Variants in FARS2 observed in about 807,000 individuals in gnomAD.
The protein encoded by FARS2 is phenylalanine--tRNA ligase, mitochondrial.
FARS2 carries 40 observed loss-of-function variants against 46.4 expected under a neutral mutation model. The ratio of observed to expected loss-of-function variants is 0.86; its 90% CI spans 0.67 to 1.12. FARS2 has a LOEUF of 1.12. FARS2 is among the 50% of genes most tolerant of loss of function. The pLI is 0.00. For synonymous variants in FARS2, 234 were observed against 214.9 expected, an observed-to-expected ratio of 1.09 and a Z score of -0.78; for missense variants, 513 against 567.9, an observed-to-expected ratio of 0.90 and a Z score of 0.98.
chr6:5,335,599 G>A (rs766347043), intron 1 of FARS2, among the ~76,000 whole-genome samples: 1 of 152,128 alleles, frequency 6.6e-6, no homozygotes. Flanking sequence ...TGAGCAATTA[G>A]CAATTAGTTG....
intron 4 of FARS2, among the ~76,000 whole-genome samples, chr6:5,479,291 G>GCATTGTT (rs1766307096): frequency 6.6e-6 from 1 of 152,172 alleles, no homozygotes; most frequent in Admixed American, 6.5e-5. Context: ...TTTCTTGTTG[G>GCATTGTT]CATTGTTAGA....
intron 4 of FARS2, among the ~76,000 whole-genome samples, chr6:5,492,068 C>A (rs1767155256): frequency 6.6e-6 from 1 of 152,178 alleles, no homozygotes. Context: ...TCAATAAAAA[C>A]TACTCATTTT....
At chr6:5,720,648 C>CT (rs1759830755) in intron 6 of FARS2, among the ~76,000 whole-genome samples, 2 of 152,186 alleles carry the variant, frequency 1.3e-5, no homozygotes, top group South Asian at 4.1e-4. Context: ...TCAAGATCCC[C>CT]TTTACATTCT....
intron 6 of FARS2, among the ~76,000 whole-genome samples, chr6:5,769,438 G>T (rs752701184): frequency 6.6e-6 from 1 of 152,220 alleles, no homozygotes; most frequent in African/African-American, 2.4e-5. Flanking sequence ...TGCCTGAAAG[G>T]CTTGGGTGGG....
intron 1 of FARS2, among the ~76,000 whole-genome samples, chr6:5,346,042 C>T: frequency 6.6e-6 from 1 of 152,208 alleles, no homozygotes; most frequent in Non-Finnish European, 1.5e-5. Context: ...CAGCAGTGCT[C>T]ACTGGCCGGG....
intron 6 of FARS2, among the ~76,000 whole-genome samples, chr6:5,757,712 T>A (rs1434629339): frequency 6.6e-6 from 1 of 152,152 alleles, no homozygotes; most frequent in Non-Finnish European, 1.5e-5. Context: ...TCACCTAATA[T>A]TTGGGTGCAT....
At chr6:5,663,783 T>C (rs765403250) in intron 6 of FARS2, among the ~76,000 whole-genome samples, 1 of 152,194 alleles carries the variant, frequency 6.6e-6, no homozygotes, top group Non-Finnish European at 1.5e-5. Flanking sequence ...AAGATGTCTT[T>C]GAAATGATAT....
intron 5 of FARS2, among the ~76,000 whole-genome samples, chr6:5,592,127 G>A (rs954661564): frequency 1.3e-5 from 2 of 152,196 alleles, no homozygotes; most frequent in African/African-American, 2.4e-5. Context: ...GCTCACGCCT[G>A]TAATCCCAGC....
intron 2 of FARS2, among the ~76,000 whole-genome samples, chr6:5,370,100 A>G (rs1758957345): frequency 6.6e-6 from 1 of 152,214 alleles, no homozygotes; most frequent in Admixed American, 6.5e-5. Flanking sequence ...TATCGTCACA[A>G]AACTCTCTCC....
At chr6:5,282,194 C>T (rs1581684890) in intron 1 of FARS2, among the ~76,000 whole-genome samples, 1 of 152,122 alleles carries the variant, frequency 6.6e-6, no homozygotes, top group African/African-American at 2.4e-5. Context: ...GAAAGTGTTA[C>T]CTTGCCAGAG....
intron 2 of FARS2, among the ~76,000 whole-genome samples, chr6:5,396,879 G>A (rs1227117060): frequency 6.6e-6 from 1 of 152,136 alleles, no homozygotes; most frequent in East Asian, 1.9e-4. Context: ...GTTACACACA[G>A]TCTTTGAAGG....
the FARS2 span, among the ~76,000 whole-genome samples, chr6:5,252,913 T>C: frequency 1.3e-5 from 2 of 152,106 alleles, no homozygotes; most frequent in Non-Finnish European, 2.9e-5. Flanking sequence ...ACCTTTCCTA[T>C]GTGAGAAGAA....
At chr6:5,528,199 A>G (rs1452108679) in intron 4 of FARS2, among the ~76,000 whole-genome samples, 1 of 151,672 alleles carries the variant, frequency 6.6e-6, no homozygotes, top group Non-Finnish European at 1.5e-5. Flanking sequence ...TAAAATTTGT[A>G]TTTAAAAAAA....
intron 3 of FARS2, among the ~76,000 whole-genome samples, chr6:5,408,812 C>CAG (rs1438868858): frequency 2.2e-4 from 33 of 152,244 alleles, no homozygotes; most frequent in African/African-American, 7.5e-4. Context: ...TCGCCTTTAT[C>CAG]ATGTCTGAGG....
chr6:5,673,079 A>G (rs866323844), intron 6 of FARS2, among the ~76,000 whole-genome samples: 1 of 152,174 alleles, frequency 6.6e-6, no homozygotes, highest in Non-Finnish European at 1.5e-5. Flanking sequence ...GAGCCCCCCA[A>G]CACCTTTTCT....
chr6:5,530,772 A>G (rs1277462606), intron 4 of FARS2, among the ~76,000 whole-genome samples: 1 of 147,130 alleles, frequency 6.8e-6, no homozygotes, highest in Non-Finnish European at 1.5e-5. Context: ...TAAATATTTC[A>G]TATATTGTAT....
At chr6:5,355,841 A>G (rs942769291) in intron 1 of FARS2, among the ~76,000 whole-genome samples, 5 of 152,170 alleles carry the variant, frequency 3.3e-5, no homozygotes, top group African/African-American at 9.6e-5. Context: ...GACACCTACT[A>G]TGATCAATTT....
At chr6:5,264,896 T>A (rs1415791903) in intron 1 of FARS2, among the ~76,000 whole-genome samples, 1 of 151,976 alleles carries the variant, frequency 6.6e-6, no homozygotes, top group East Asian at 1.9e-4. Flanking sequence ...CGTGCTGAAG[T>A]GATTTTCCTG....
intron 1 of FARS2, among the ~76,000 whole-genome samples, chr6:5,266,602 T>C (rs1765566115): frequency 6.6e-6 from 1 of 152,180 alleles, no homozygotes; most frequent in Admixed American, 6.6e-5. Context: ...GCCTGAGATG[T>C]GATCTGTCTA....
Sources: gnomAD v4.1 joint callset for allele counts (sites outside exome capture counted in the v4.1 genomes callset) on GRCh38, gnomAD v4.1.1 for gene constraint, MANE v1.5 for transcripts, NCBI Gene and HGNC (gene_info 2026-07-23, HGNC 2026-07-21) for gene names.